Variants in VBP1 observed in about 807,000 individuals in gnomAD.
VBP1 encodes the protein VHL binding protein 1, also known as prefoldin subunit 3.
VBP1 carries 4 observed loss-of-function variants against 15.5 expected under a neutral mutation model. That is an observed-to-expected ratio of 0.26 (90% CI 0.13 to 0.59). The LOEUF is 0.59. VBP1 is among the 20% of genes least tolerant of loss of function. The pLI is 0.90. For synonymous variants in VBP1, 61 were observed against 52.1 expected, an observed-to-expected ratio of 1.17 and a Z score of -0.74; for missense variants, 108 against 139.6, an observed-to-expected ratio of 0.77 and a Z score of 1.14.
At chrX:155,235,695 G>GA (rs1557311480) in intron 4 of VBP1, among the ~76,000 whole-genome samples, 4 of 112,206 alleles carry the variant, frequency 3.6e-5, no homozygotes, top group African/African-American at 1.3e-4. Context: ...AAATGTCTTT[G>GA]AAAAATTTTA....
intron 4 of VBP1, 59 bp from the exon 5 acceptor site, chrX:155,236,170 C>T: frequency 8.7e-7 from 1 of 1,145,803 alleles, no homozygotes; most frequent in Non-Finnish European, 1.2e-6. Context: ...CCACACTTTA[C>T]TCTAACCTAT....
chrX:155,231,935 G>A (rs1433739243), intron 4 of VBP1, among the ~76,000 whole-genome samples: 8 of 111,741 alleles, frequency 7.2e-5, no homozygotes, highest in African/African-American at 2.6e-4. Context: ...GCATATTTTT[G>A]TATGCTGCTT....
intron 1 of VBP1, among the ~76,000 whole-genome samples, chrX:155,205,119 GT>G (rs1297462014): frequency 4.5e-5 from 5 of 111,667 alleles, no homozygotes; most frequent in South Asian, 3.7e-4. Flanking sequence ...GTTAAAAATT[GT>G]TTGTAATCAC....
chrX:155,229,936 C>G (rs906241966), intron 4 of VBP1, among the ~76,000 whole-genome samples: 1 of 112,027 alleles, frequency 8.9e-6, no homozygotes, highest in Non-Finnish European at 1.9e-5. Flanking sequence ...CCAACTATCT[C>G]TCACTTCCTT....
intron 5 of VBP1, among the ~76,000 whole-genome samples, chrX:155,236,581 A>G (rs1162151011): frequency 9.0e-6 from 1 of 110,957 alleles, no homozygotes; most frequent in African/African-American, 3.3e-5. Flanking sequence ...CCCTAGAACT[A>G]AAAAAAAATT....
At chrX:155,199,001 G>A (rs2074590293) in intron 1 of VBP1, among the ~76,000 whole-genome samples, 1 of 111,592 alleles carries the variant, frequency 9.0e-6, no homozygotes, top group Non-Finnish European at 1.9e-5. Context: ...CTGGAAGAAA[G>A]GGTATCAGTG....
chrX:155,218,740 A>G (rs2074675999), intron 1 of VBP1, among the ~76,000 whole-genome samples: 1 of 111,774 alleles, frequency 8.9e-6, no homozygotes, highest in Non-Finnish European at 1.9e-5. Flanking sequence ...AGCGTTTCAC[A>G]TATGCTAACT....
chrX:155,207,015 C>G (rs138082835), intron 1 of VBP1, among the ~76,000 whole-genome samples: 550 of 111,255 alleles, frequency 4.9e-3, no homozygotes, highest in Non-Finnish European at 6.2e-3. Context: ...AGGAGTAGAA[C>G]TGAGATACTC....
chrX:155,217,949 C>T (rs2074672826), intron 1 of VBP1, among the ~76,000 whole-genome samples: 1 of 111,275 alleles, frequency 9.0e-6, no homozygotes, highest in African/African-American at 3.3e-5. Flanking sequence ...CGCCCTACTT[C>T]TCCTGGTCAT....
chrX:155,215,233 A>T (rs781980290), upstream of VBP1, among the ~76,000 whole-genome samples: 54 of 110,908 alleles, frequency 4.9e-4, no homozygotes, highest in Non-Finnish European at 9.3e-4. Flanking sequence ...CAAAAACAAA[A>T]TTTTTTTTTG....
intron 5 of VBP1, 49 bp from the exon 6 acceptor site, chrX:155,238,723 T>C: frequency 9.7e-7 from 1 of 1,034,011 alleles, no homozygotes; most frequent in Non-Finnish European, 1.3e-6. Context: ...AGTCATTGCA[T>C]GCATTATCTT....
chrX:155,228,686 C>T (rs1379708734), intron 4 of VBP1, among the ~76,000 whole-genome samples: 3 of 111,788 alleles, frequency 2.7e-5, no homozygotes, highest in African/African-American at 6.5e-5. Flanking sequence ...ATCAGAAGTG[C>T]GATGAAGATC....
At chrX:155,219,689 G>A in intron 1 of VBP1, among the ~76,000 whole-genome samples, 1 of 111,660 alleles carries the variant, frequency 9.0e-6, no homozygotes. Flanking sequence ...GCATAAAGTG[G>A]TGGGCAAGGT....
intron 2 of VBP1, 115 bp downstream of exon 2, chrX:155,220,422 G>C: frequency 1.5e-6 from 1 of 659,898 alleles, no homozygotes; most frequent in Non-Finnish European, 2.1e-6. Flanking sequence ...AGTCCTCCAA[G>C]GTGGCTGTAC....
At chrX:155,226,964 A>G (rs2074722571) in intron 2 of VBP1, among the ~76,000 whole-genome samples, 1 of 110,993 alleles carries the variant, frequency 9.0e-6, no homozygotes, top group East Asian at 2.8e-4. Context: ...TCACTAGTAT[A>G]TCTTAAATAT....
intron 1 of VBP1, among the ~76,000 whole-genome samples, chrX:155,198,774 G>A (rs2074589098): frequency 8.9e-6 from 1 of 112,389 alleles, no homozygotes; most frequent in African/African-American, 3.2e-5. Flanking sequence ...ACTTTGACGA[G>A]TTGAGAGAAG....
intron 3 of VBP1, among the ~76,000 whole-genome samples, chrX:155,227,899 A>G (rs1479311407): frequency 1.8e-5 from 2 of 112,700 alleles, no homozygotes; most frequent in African/African-American, 6.4e-5. Flanking sequence ...GTGTATGCTT[A>G]TGATTTTGCT....
At chrX:155,229,914 T>C (rs112697094) in intron 4 of VBP1, among the ~76,000 whole-genome samples, 2,166 of 112,001 alleles carry the variant, frequency 0.019, 63 homozygotes, top group African/African-American at 0.067. Context: ...TTCTTCTGAA[T>C]AGATTGAGAA....
At chrX:155,201,893 A>G (rs1482890412) in intron 1 of VBP1, among the ~76,000 whole-genome samples, 1 of 112,055 alleles carries the variant, frequency 8.9e-6, no homozygotes, top group Non-Finnish European at 1.9e-5. Flanking sequence ...CCTTAAGCTA[A>G]TAAGTAACTT....
Sources: allele counts gnomAD v4.1 joint callset (sites outside exome capture counted in the v4.1 genomes callset), GRCh38; gene constraint gnomAD v4.1.1; transcripts MANE v1.5; gene names NCBI Gene and HGNC (gene_info 2026-07-23, HGNC 2026-07-21).